Variants in NTM observed in about 807,000 individuals in gnomAD.
NTM encodes neurotrimin, also known as IgLON family member 2.
A neutral mutation model predicts 42.1 loss-of-function variants in NTM; 13 were observed. The ratio of observed to expected loss-of-function variants is 0.31; its 90% CI spans 0.20 to 0.49. The LOEUF is 0.49. Among genes scored for constraint, NTM ranks in the 20% least tolerant of loss-of-function variants. The probability of loss-of-function intolerance (pLI) is 0.99; values close to 1 mark genes in which losing one functional copy is unlikely to be tolerated. For synonymous variants in NTM, 187 were observed against 179.2 expected, an observed-to-expected ratio of 1.04 and a Z score of -0.35; for missense variants, 373 against 452.8, an observed-to-expected ratio of 0.82 and a Z score of 1.60.
At chr11:131,416,848 C>G (rs1237730266) in intron 1 of NTM, among the ~76,000 whole-genome samples, 2 of 152,016 alleles carry the variant, frequency 1.3e-5, no homozygotes, top group Non-Finnish European at 2.9e-5. Context: ...CAGAGAAGTG[C>G]AAGTGGAAAA....
chr11:132,068,990 G>A (rs889068523), intron 2 of NTM, among the ~76,000 whole-genome samples: 1 of 152,218 alleles, frequency 6.6e-6, no homozygotes, highest in Non-Finnish European at 1.5e-5. Flanking sequence ...CAGCAATGAC[G>A]AGATTAGTAT....
intron 2 of NTM, among the ~76,000 whole-genome samples, chr11:131,922,836 A>G (rs562234086): frequency 2.0e-5 from 3 of 152,298 alleles, no homozygotes; most frequent in African/African-American, 7.2e-5. Flanking sequence ...ACCTCCATGG[A>G]GTAGAGGCTT....
At chr11:132,226,893 A>G (rs1369223104) in intron 4 of NTM, among the ~76,000 whole-genome samples, 12 of 152,258 alleles carry the variant, frequency 7.9e-5, no homozygotes, top group Non-Finnish European at 1.6e-4. Flanking sequence ...CTGCTGGTGT[A>G]TACCATGCTG....
chr11:131,489,121 G>C (rs1266772621), intron 1 of NTM, among the ~76,000 whole-genome samples: 1 of 152,142 alleles, frequency 6.6e-6, no homozygotes, highest in Admixed American at 6.5e-5. Context: ...TCTCCCCTTG[G>C]TTCCAAACAT....
chr11:131,529,018 A>G (rs1366104969), intron 1 of NTM, among the ~76,000 whole-genome samples: 1 of 152,186 alleles, frequency 6.6e-6, no homozygotes, highest in Non-Finnish European at 1.5e-5. Flanking sequence ...TATATATTGC[A>G]ATGGGATTGA....
At chr11:132,049,107 G>A (rs1244708663) in intron 2 of NTM, among the ~76,000 whole-genome samples, 1 of 152,174 alleles carries the variant, frequency 6.6e-6, no homozygotes, top group Non-Finnish European at 1.5e-5. Flanking sequence ...GGAGGGAGAT[G>A]TAGCCTCCTG....
intron 1 of NTM, among the ~76,000 whole-genome samples, chr11:131,738,461 T>C (rs1177746431): frequency 2.0e-5 from 3 of 152,250 alleles, no homozygotes; most frequent in African/African-American, 7.2e-5. Flanking sequence ...TGAATTAGTA[T>C]CAAGCTAAGA....
chr11:132,331,900 A>C (rs1170892406), intron 8 of NTM, among the ~76,000 whole-genome samples: 1 of 152,134 alleles, frequency 6.6e-6, no homozygotes, highest in Non-Finnish European at 1.5e-5. Context: ...ACATGTGGTT[A>C]TGTGGCAAGG....
chr11:131,942,652 G>T (rs971256214), intron 2 of NTM, among the ~76,000 whole-genome samples: 7 of 152,124 alleles, frequency 4.6e-5, no homozygotes, highest in Non-Finnish European at 2.9e-5. Flanking sequence ...CTTCAAGAAT[G>T]CATAGAGTTT....
At chr11:132,314,774 C>A (rs1284152327) in intron 7 of NTM, 71 bp downstream of exon 7, 11 of 1,495,568 alleles carry the variant, frequency 7.4e-6, no homozygotes, top group Admixed American at 2.2e-5. Flanking sequence ...GTGGGAGGGC[C>A]CCTCAAGGCC....
Position 132,211,793 on chromosome 11 carries a change from G to C in NTM, c.401-229G>C. The C allele has an allele frequency of 8.4e-6, 3 of 355,666 alleles. No individual in the cohort carries two copies. The South Asian group carries it at 9.4e-5, about 11-fold the overall frequency. 22.0% of individuals were successfully genotyped at this position (355,666 alleles called of 1,614,324 possible). A position where few individuals can be genotyped will look rare whatever the true frequency, so the allele number is the denominator to read the frequency against. On this transcript the variant is annotated intron_variant, in intron 3 of 8. Coordinates refer to ENST00000683400, the MANE Select transcript of NTM (RefSeq NM_001352005.2). ...GAACAGCTATTCCAGTGTTGCAGTA[G>C]AATTTATTCCCATTCGGACTCCCTG...
Position 131,439,373 on chromosome 11 carries a change from G to A in NTM, c.82+68485G>A, listed in dbSNP as rs1173829222. Among the ~76,000 whole-genome samples, 4 of 152,238 alleles carry A rather than the reference G, an allele frequency of 2.6e-5. No homozygotes were observed. The East Asian group carries it at 5.8e-4, about 22-fold the overall frequency. On this transcript the variant is annotated intron_variant, in intron 1 of 8. Transcript: ENST00000683400. ...GTCAGGGTTGTTTAAGTCTGCAGAA[G>A]TTTCTGCTGCCTTTTGTTCAGCTAT...
intron 1 of NTM, among the ~76,000 whole-genome samples, chr11:131,687,627 C>T (rs2074069958): frequency 6.6e-6 from 1 of 152,202 alleles, no homozygotes; most frequent in African/African-American, 2.4e-5. Flanking sequence ...TAGTGCCGCC[C>T]AAGTGCCTCG....
intron 1 of NTM, among the ~76,000 whole-genome samples, chr11:131,643,141 G>A (rs980448273): frequency 1.3e-5 from 2 of 151,888 alleles, no homozygotes; most frequent in African/African-American, 2.4e-5. Flanking sequence ...AGAAGCATCC[G>A]AGCCCCTGTC....
chr11:131,919,137 A>G (rs1157744663), intron 2 of NTM, among the ~76,000 whole-genome samples: 1 of 147,474 alleles, frequency 6.8e-6, no homozygotes, highest in Non-Finnish European at 1.5e-5. Context: ...TTAAATTAGT[A>G]ATAGGCATCT....
chr11:132,069,616 C>T (rs183076806), intron 2 of NTM, among the ~76,000 whole-genome samples: 117 of 148,196 alleles, frequency 7.9e-4, no homozygotes, highest in African/African-American at 2.7e-3. Context: ...TAACACATCA[C>T]ACTGACCGTC....
chr11:131,598,635 C>A (rs1049720121), intron 1 of NTM, among the ~76,000 whole-genome samples: 2 of 152,174 alleles, frequency 1.3e-5, no homozygotes, highest in African/African-American at 2.4e-5. Flanking sequence ...ACACTGGCTT[C>A]CACCAGCACT....
chr11:131,473,373 C>T (rs1032360439), intron 1 of NTM, among the ~76,000 whole-genome samples: 2 of 152,152 alleles, frequency 1.3e-5, no homozygotes, highest in African/African-American at 4.8e-5. Flanking sequence ...TGTATGGATC[C>T]TGATGGGGAG....
chr11:131,985,277 CA>C (rs1204841079), intron 2 of NTM, among the ~76,000 whole-genome samples: 1 of 152,184 alleles, frequency 6.6e-6, no homozygotes, highest in African/African-American at 2.4e-5. Flanking sequence ...TGCTATTTCA[CA>C]ACAAGGGTCT....
Sources: gnomAD v4.1 joint callset for allele counts (sites outside exome capture counted in the v4.1 genomes callset) on GRCh38, gnomAD v4.1.1 for gene constraint, MANE v1.5 for transcripts, NCBI Gene and HGNC (gene_info 2026-07-23, HGNC 2026-07-21) for gene names.